The following SMIM41 variants were observed in gnomAD, a reference collection of about 807,000 sequenced individuals.
The protein encoded by SMIM41 is small integral membrane protein 41.
At chr12:52,090,846 T>A (rs1020396964) in intron 2 of SMIM41, among the ~76,000 whole-genome samples, 1 of 152,192 alleles carries the variant, frequency 6.6e-6, no homozygotes, top group African/African-American at 2.4e-5. Context: ...GGGCAGCTTC[T>A]TCTTGAATAC....
Position 52,080,156 on chromosome 12 carries a change from T to G in SMIM41, c.*95T>G. On this transcript the variant is annotated 3_prime_UTR_variant, in exon 1 of 3. Coordinates refer to ENST00000546390, the MANE Select transcript of SMIM41 (RefSeq NM_001369216.1). ...GACGGCTGCTGCGGTCCCGACCCCT[T>G]ACCCGAAGCGGCGCGCCCCACACAG... 6.0e-6 allele frequency: 2 copies of G among 332,822 alleles called. No homozygotes were observed. The highest frequency in any genetic ancestry group is 1.1e-5 in the Non-Finnish European group (2 of 183,910). 20.6% of individuals were successfully genotyped at this position (332,822 alleles called of 1,614,324 possible). A position where few individuals can be genotyped will look rare whatever the true frequency, so the allele number is the denominator to read the frequency against.
At chr12:52,103,372 A>C (rs12319941) in intron 2 of SMIM41, among the ~76,000 whole-genome samples, 2,149 of 148,424 alleles carry the variant, frequency 0.014, 63 homozygotes, top group African/African-American at 0.05. Flanking sequence ...AAAAAAAAAA[A>C]CCAAAAAACA....
intron 2 of SMIM41, among the ~76,000 whole-genome samples, chr12:52,105,953 T>C (rs1469151848): frequency 6.6e-6 from 1 of 152,180 alleles, no homozygotes; most frequent in African/African-American, 2.4e-5. Flanking sequence ...GTTGATCCAA[T>C]GGAAGTGAGT....
chr12:52,098,989 G>A (rs1438369623), intron 2 of SMIM41, among the ~76,000 whole-genome samples: 2 of 151,882 alleles, frequency 1.3e-5, no homozygotes, highest in African/African-American at 2.4e-5. Context: ...CACCCCCTGC[G>A]ATATCGGGAG....
chr12:52,091,017 A>AT (rs1043966195), intron 2 of SMIM41, among the ~76,000 whole-genome samples: 3 of 151,936 alleles, frequency 2.0e-5, no homozygotes, highest in Non-Finnish European at 4.4e-5. Context: ...TGTTTTTGTT[A>AT]TTTTTTTCTT....
rs563709632 is a variant in SMIM41, at chr12:52,102,208, A to G, written c.*196-5171A>G. ...GAAGAATGAAGGTGGACCCTATGTC[A>G]CACCAGGTGCAAAAATTAACACAAA... On this transcript the variant is annotated intron_variant, in intron 2 of 2. Coordinates refer to ENST00000546390, the MANE Select transcript of SMIM41 (RefSeq NM_001369216.1). 4.6e-5 allele frequency among the ~76,000 whole-genome samples: 7 copies of G among 152,324 alleles called. No homozygotes were observed. In the South Asian group the frequency reaches 1.4e-3, roughly 32 times the overall value.
At position 52,105,479 on chromosome 12, in the gene SMIM41, G is replaced by A. The variant is rs1392212616; in HGVS notation, c.*196-1900G>A. Among the ~76,000 whole-genome samples the A allele has an allele frequency of 3.3e-5, 5 of 152,214 alleles. No individual in the cohort carries two copies. The South Asian group carries it at 6.2e-4, about 19-fold the overall frequency. On this transcript the variant is annotated intron_variant, in intron 2 of 2. Transcript: ENST00000546390. Reference sequence around the variant, plus strand: ...TGCTTTAAACTTTTTGAAGCTGGGCGCGGTGGCTCACGCCTGTAATCCCAG... The same window carrying A: ...TGCTTTAAACTTTTTGAAGCTGGGCACGGTGGCTCACGCCTGTAATCCCAG...
chr12:52,097,104 G>T (rs1200922621), intron 2 of SMIM41, among the ~76,000 whole-genome samples: 1 of 152,078 alleles, frequency 6.6e-6, no homozygotes, highest in East Asian at 1.9e-4. Flanking sequence ...GATGTCCGGG[G>T]TAGAGAAAAT....
At chr12:52,095,117 A>AT (rs1940067688) in intron 2 of SMIM41, among the ~76,000 whole-genome samples, 3 of 151,608 alleles carry the variant, frequency 2.0e-5, no homozygotes, top group Non-Finnish European at 2.9e-5. Context: ...ACTTAATTAA[A>AT]ATTTTTTTTT....
chr12:52,100,195 A>G (rs7134548), intron 2 of SMIM41, among the ~76,000 whole-genome samples: 89,692 of 151,648 alleles, frequency 0.59, 26,783 homozygotes, highest in East Asian at 0.75. Flanking sequence ...TCACAGGGGT[A>G]GTGTACATTT....
intron 2 of SMIM41, among the ~76,000 whole-genome samples, chr12:52,093,135 G>A (rs1225302616): frequency 1.3e-5 from 2 of 152,140 alleles, no homozygotes; most frequent in Non-Finnish European, 2.9e-5. Context: ...GAGGCAGTGG[G>A]TGTAGTGAGC....
chr12:52,100,622 A>ATTTTTTTTTTTTT (rs1173057236), intron 2 of SMIM41, among the ~76,000 whole-genome samples: 125 of 111,114 alleles, frequency 1.1e-3, no homozygotes, highest in Non-Finnish European at 1.4e-3. Flanking sequence ...GCGCCCAGCT[A>ATTTTTTTTTTTTT]TTTTTTTTTT....
intron 2 of SMIM41, among the ~76,000 whole-genome samples, chr12:52,097,047 C>G (rs1940110012): frequency 6.6e-6 from 1 of 152,076 alleles, no homozygotes; most frequent in Non-Finnish European, 1.5e-5. Flanking sequence ...GAAGATATAT[C>G]TCCCAATTTC....
chr12:52,102,728 G>A (rs2120718505), intron 2 of SMIM41, among the ~76,000 whole-genome samples: 1 of 152,286 alleles, frequency 6.6e-6, no homozygotes, highest in South Asian at 2.1e-4. Flanking sequence ...GAAACGAGAG[G>A]GAAGTAGGAA....
chr12:52,098,743 G>C (rs1314297030), intron 2 of SMIM41, among the ~76,000 whole-genome samples: 2 of 151,462 alleles, frequency 1.3e-5, no homozygotes, highest in South Asian at 2.1e-4. Context: ...ACGGGGGGGG[G>C]GGTGTACTGC....
rs528903653 is a variant in SMIM41 at position 52,081,257 on chromosome 12, G to GC, written c.*120+1083dup. Among the ~76,000 whole-genome samples, 380 of 152,142 alleles carry GC rather than the reference G, an allele frequency of 2.5e-3. 1 individual carries two copies. Among genetic ancestry groups the GC allele is most frequent in the Non-Finnish European group, 4.5e-3 (304 of 67,952 alleles). ...GTCAGGGGTGACTTTGGCCTCTCTTGCCCCCCCTCCCCCGATTCTGGAGCC... is the reference window on the plus strand; with the variant it reads ...GTCAGGGGTGACTTTGGCCTCTCTTGCCCCCCCCTCCCCCGATTCTGGAGCC... On this transcript the variant is annotated intron_variant, in intron 1 of 2. Transcript: ENST00000546390. This position sits in a 1 kb window ranked among gnomAD's most constrained non-coding sequence, Gnocchi z 4.1.
chr12:52,100,866 GA>G, intron 2 of SMIM41, among the ~76,000 whole-genome samples: 1 of 152,106 alleles, frequency 6.6e-6, no homozygotes, highest in East Asian at 1.9e-4. Flanking sequence ...CATAAAATGG[GA>G]AGTAGAAAAG....
chr12:52,103,617 G>A (rs144306197), intron 2 of SMIM41, among the ~76,000 whole-genome samples: 6,584 of 151,594 alleles, frequency 0.043, 165 homozygotes, highest in South Asian at 0.074. Context: ...AAATTAGCTG[G>A]GTGTGGTGGC....
chr12:52,098,157 T>C (rs1444680929), intron 2 of SMIM41, among the ~76,000 whole-genome samples: 4 of 152,072 alleles, frequency 2.6e-5, no homozygotes, highest in African/African-American at 9.7e-5. Context: ...ACTTCTGAGA[T>C]ATTGGGAGTG....
Sources: allele counts gnomAD v4.1 joint callset (sites outside exome capture counted in the v4.1 genomes callset), GRCh38; gene constraint gnomAD v4.1.1; non-coding constraint Gnocchi (gnomAD v3.1); transcripts MANE v1.5; gene names NCBI Gene and HGNC (gene_info 2026-07-23, HGNC 2026-07-21).